The following RP1 variants were observed in gnomAD, a reference collection of about 807,000 sequenced individuals.
RP1 encodes the protein oxygen-regulated protein 1.
RP1 carries 16 observed loss-of-function variants against 14.8 expected under a neutral mutation model. The ratio of observed to expected loss-of-function variants is 1.08; its 90% CI spans 0.73 to 1.65. The LOEUF (loss-of-function observed/expected upper bound fraction) is 1.65, where lower values mean the gene tolerates loss of function less well. Among genes scored for constraint, RP1 ranks in the 40% most tolerant of loss-of-function variants. The pLI, the probability that RP1 is intolerant of heterozygous loss-of-function variation, is 0.00. For synonymous variants in RP1, 876 were observed against 883.6 expected, an observed-to-expected ratio of 0.99 and a Z score of 0.15; for missense variants, 2,631 against 2,535.0, an observed-to-expected ratio of 1.04 and a Z score of -0.81.
chr8:54,817,452 T>C (rs147981628), intron 24 of RP1, among the ~76,000 whole-genome samples: 4 of 152,090 alleles, frequency 2.6e-5, no homozygotes, highest in Non-Finnish European at 5.9e-5. Context: ...AAGATACTGA[T>C]GGAGGAAGCC....
intron 12 of RP1, among the ~76,000 whole-genome samples, chr8:54,694,685 T>A (rs1807811092): frequency 1.3e-5 from 2 of 152,184 alleles, no homozygotes; most frequent in South Asian, 4.1e-4. Context: ...TTATTTTTTA[T>A]TGCATCTATT....
chr8:54,734,796 T>A, intron 18 of RP1: 19 of 1,460,352 alleles, frequency 1.3e-5, no homozygotes, highest in Non-Finnish European at 1.6e-5. Context: ...AAGACATTTC[T>A]GTAATGTAGA....
At chr8:54,579,804 T>G (rs1230258880) in intron 1 of RP1, among the ~76,000 whole-genome samples, 1 of 152,172 alleles carries the variant, frequency 6.6e-6, no homozygotes, top group South Asian at 2.1e-4. Flanking sequence ...AAGTTCCTTA[T>G]TCCTTCAAGT....
chr8:54,619,830 T>C (rs1805812220), intron 1 of RP1, among the ~76,000 whole-genome samples: 1 of 152,262 alleles, frequency 6.6e-6, no homozygotes, highest in Non-Finnish European at 1.5e-5. Context: ...CATCTGACAG[T>C]ATCTTAAGAT....
At chr8:54,702,107 T>C (rs1488069173) in intron 14 of RP1, among the ~76,000 whole-genome samples, 1 of 152,172 alleles carries the variant, frequency 6.6e-6, no homozygotes, top group East Asian at 1.9e-4. Context: ...AGCAATTATT[T>C]ATGAGGTTTC....
rs1806124160 is a variant in RP1 at position 54,628,020 on chromosome 8, TATAAAAATGGATTTAATAC to T, written c.4141_4159del (p.Lys1381TrpfsTer10). The T allele has an allele frequency of 2.5e-6, 4 of 1,614,022 alleles. No homozygotes were observed. The highest frequency in any genetic ancestry group is 3.4e-6 in the Non-Finnish European group (4 of 1,179,928). Reference sequence around the variant, plus strand: ...TCTAAATATTTTGACAGACCCTGAATATAAAAATGGATTTAATACATTGGTGTCACATCAAAATGTCAGT... The same window carrying T: ...TCTAAATATTTTGACAGACCCTGAATATTGGTGTCACATCAAAATGTCAGT... On this transcript the variant is annotated frameshift_variant, in exon 4 of 4. Transcript: ENST00000220676. LOFTEE classifies it low-confidence loss of function (END_TRUNC).
intron 19 of RP1, chr8:54,754,658 A>C (rs1809455182): frequency 1.3e-6 from 1 of 756,582 alleles, no homozygotes; most frequent in Non-Finnish European, 1.8e-6. Flanking sequence ...CCAACCTACG[A>C]CTACTACTAC....
chr8:54,733,693 G>T (rs1808846178), intron 17 of RP1, among the ~76,000 whole-genome samples: 1 of 152,058 alleles, frequency 6.6e-6, no homozygotes. Flanking sequence ...TCATCATCTT[G>T]GGTATATAAG....
intron 26 of RP1, among the ~76,000 whole-genome samples, chr8:54,853,009 T>A (rs1812091427): frequency 6.6e-6 from 1 of 152,198 alleles, no homozygotes; most frequent in African/African-American, 2.4e-5. Flanking sequence ...TGATAAAACA[T>A]CTTTTAAACT....
intron 3 of RP1, among the ~76,000 whole-genome samples, chr8:54,637,898 A>AT (rs888855889): frequency 2.0e-5 from 3 of 151,766 alleles, no homozygotes; most frequent in East Asian, 1.9e-4. Context: ...CATCTATTCT[A>AT]TTTTTTTCCC....
At chr8:54,585,384 T>C (rs1400632407) in intron 1 of RP1, among the ~76,000 whole-genome samples, 9 of 152,248 alleles carry the variant, frequency 5.9e-5, no homozygotes, top group African/African-American at 2.2e-4. Context: ...CCTGATGGGC[T>C]TCCCTTTGTG....
intron 6 of RP1, among the ~76,000 whole-genome samples, chr8:54,662,911 C>A (rs1384701115): frequency 6.6e-6 from 1 of 152,168 alleles, no homozygotes; most frequent in African/African-American, 2.4e-5. Flanking sequence ...CTCCATATTA[C>A]CTGGAACTAG....
intron 12 of RP1, among the ~76,000 whole-genome samples, chr8:54,691,976 C>A (rs1166889120): frequency 6.6e-6 from 1 of 151,988 alleles, no homozygotes; most frequent in East Asian, 1.9e-4. Context: ...CTCCCCCAAC[C>A]CTACAACAGT....
chr8:54,833,350 A>G (rs976169273), intron 24 of RP1, among the ~76,000 whole-genome samples: 2 of 151,894 alleles, frequency 1.3e-5, no homozygotes, highest in African/African-American at 4.8e-5. Flanking sequence ...TTTCTCCCTC[A>G]TTTAAGGTCA....
Position 54,610,757 on chromosome 8 carries a change from T to A in RP1, c.-12-10198T>A, listed in dbSNP as rs188429355. 1.5e-3 allele frequency among the ~76,000 whole-genome samples: 226 copies of A among 152,312 alleles called. 2 individuals are homozygous for A. Among genetic ancestry groups the A allele is most frequent in the Non-Finnish European group, 6.8e-4 (46 of 68,032 alleles). ...ATAACTAAGACATCTGCAAATGCTG[T>A]CACATCCACAGCAGCTATCTTGGTC... On this transcript the variant is annotated intron_variant, in intron 1 of 22. Coordinates refer to the RP1 transcript ENST00000636932.
chr8:54,616,876 T>C (rs1463894174), intron 1 of RP1, among the ~76,000 whole-genome samples: 1 of 152,238 alleles, frequency 6.6e-6, no homozygotes, highest in Non-Finnish European at 1.5e-5. Flanking sequence ...AGAGGCCAAC[T>C]ATTTAGTTCT....
At chr8:54,805,014 A>G (rs750842167) in intron 24 of RP1, among the ~76,000 whole-genome samples, 9 of 152,202 alleles carry the variant, frequency 5.9e-5, no homozygotes, top group African/African-American at 1.2e-4. Context: ...ATATGATTCC[A>G]AGGTCTGAAA....
At chr8:54,795,786 T>G (rs1271663800) in intron 24 of RP1, among the ~76,000 whole-genome samples, 2 of 152,156 alleles carry the variant, frequency 1.3e-5, no homozygotes, top group Non-Finnish European at 2.9e-5. Context: ...CCTTATTTTT[T>G]CTTGCGTTTT....
intron 23 of RP1, chr8:54,783,448 C>G: frequency 1.8e-6 from 1 of 541,048 alleles, no homozygotes; most frequent in Non-Finnish European, 2.8e-6. Flanking sequence ...ACGAACTATT[C>G]ATTTCATAAC....
Sources: gnomAD v4.1 joint callset for allele counts (sites outside exome capture counted in the v4.1 genomes callset) on GRCh38, gnomAD v4.1.1 for gene constraint, MANE v1.5 for transcripts, NCBI Gene and HGNC (gene_info 2026-07-23, HGNC 2026-07-21) for gene names.